Variants in NKAIN2 observed in about 807,000 individuals in gnomAD.
NKAIN2 encodes sodium/potassium-transporting ATPase subunit beta-1-interacting protein 2.
NKAIN2 carries 14 observed loss-of-function variants against 32.6 expected under a neutral mutation model. That is an observed-to-expected ratio of 0.43 (90% CI 0.28 to 0.67). NKAIN2 has a LOEUF of 0.67. NKAIN2 is among the 30% of genes least tolerant of loss of function. The probability of loss-of-function intolerance (pLI) is 0.17; values close to 1 mark genes in which losing one functional copy is unlikely to be tolerated. For synonymous variants in NKAIN2, 80 were observed against 87.2 expected, an observed-to-expected ratio of 0.92 and a Z score of 0.46; for missense variants, 198 against 258.3, an observed-to-expected ratio of 0.77 and a Z score of 1.60.
chr6:124,702,504 T>C (rs1774845541), intron 4 of NKAIN2, among the ~76,000 whole-genome samples: 1 of 152,036 alleles, frequency 6.6e-6, no homozygotes. Flanking sequence ...TTAATGGGGC[T>C]TTTTTAGATA....
At chr6:123,817,456 A>G (rs1773740750) in intron 1 of NKAIN2, among the ~76,000 whole-genome samples, 1 of 152,114 alleles carries the variant, frequency 6.6e-6, no homozygotes, top group African/African-American at 2.4e-5. Flanking sequence ...AAATAACAGG[A>G]CACTTTCTTC....
chr6:124,405,765 GT>G (rs1773830176), intron 3 of NKAIN2, among the ~76,000 whole-genome samples: 2 of 151,926 alleles, frequency 1.3e-5, no homozygotes, highest in Non-Finnish European at 2.9e-5. Flanking sequence ...CCAAAATATT[GT>G]TTTAAATACA....
intron 3 of NKAIN2, among the ~76,000 whole-genome samples, chr6:124,620,005 T>C (rs1783048515): frequency 6.6e-6 from 1 of 152,164 alleles, no homozygotes; most frequent in South Asian, 2.1e-4. Flanking sequence ...GGTACTCAAA[T>C]ACAACATGTT....
intron 1 of NKAIN2, among the ~76,000 whole-genome samples, chr6:123,899,997 G>T (rs1275818703): frequency 6.6e-6 from 1 of 152,100 alleles, no homozygotes; most frequent in Non-Finnish European, 1.5e-5. Flanking sequence ...GCTTAGCGAG[G>T]CTGGGCTTAC....
At chr6:124,144,692 A>G (rs1312249644) in intron 1 of NKAIN2, among the ~76,000 whole-genome samples, 1 of 152,164 alleles carries the variant, frequency 6.6e-6, no homozygotes, top group Non-Finnish European at 1.5e-5. Context: ...AACATAAAGT[A>G]TAGAAGAAAA....
intron 3 of NKAIN2, among the ~76,000 whole-genome samples, chr6:124,483,117 CA>C (rs1399013427): frequency 6.2e-4 from 88 of 140,960 alleles, no homozygotes; most frequent in Non-Finnish European, 5.4e-4. Context: ...GACTGTGTTT[CA>C]AAAAAAAAAA....
chr6:124,357,875 A>T (rs1030193010), intron 3 of NKAIN2, among the ~76,000 whole-genome samples: 2 of 152,126 alleles, frequency 1.3e-5, no homozygotes, highest in Non-Finnish European at 2.9e-5. Flanking sequence ...TGCTGCACCC[A>T]TTAACTCGTC....
At chr6:124,396,649 A>G (rs1773396221) in intron 3 of NKAIN2, among the ~76,000 whole-genome samples, 1 of 152,174 alleles carries the variant, frequency 6.6e-6, no homozygotes, top group Non-Finnish European at 1.5e-5. Flanking sequence ...AGTATGTTTC[A>G]GCAATTCAGG....
chr6:124,766,356 T>C (rs1312007232), intron 4 of NKAIN2, among the ~76,000 whole-genome samples: 1 of 152,138 alleles, frequency 6.6e-6, no homozygotes, highest in Admixed American at 6.5e-5. Context: ...TAAGAGTGGG[T>C]ACAAGGGTAA....
chr6:124,005,137 A>G (rs773071999), intron 1 of NKAIN2, among the ~76,000 whole-genome samples: 6 of 152,158 alleles, frequency 3.9e-5, no homozygotes, highest in African/African-American at 7.2e-5. Context: ...AGGTGGGAGA[A>G]TCACTTGAAT....
chr6:123,804,110 C>A lies in NKAIN2; in HGVS notation c.-91C>A. ...AGCCCCCGAGCCCTCGGCAGGTTTG[C>A]GTGTCCTTCCCCGCGATCTGATTGG... On this transcript the variant is annotated 5_prime_UTR_variant, in exon 1 of 7. An upstream open reading frame in the 5' UTR gains an earlier in-frame stop. Coordinates refer to ENST00000368417, the MANE Select transcript of NKAIN2 (RefSeq NM_001040214.3). 2 of 1,220,092 alleles carry A rather than the reference C, an allele frequency of 1.6e-6. No individual in the cohort carries two copies. The highest frequency in any genetic ancestry group is 4.7e-5 in the East Asian group (2 of 42,978). The allele number at this position is 1,220,092 out of a possible 1,614,324, so 75.6% of individuals were successfully genotyped here.
rs141817160 is a variant in NKAIN2 at position 123,856,936 on chromosome 6, A to T, written c.54+52682A>T. On this transcript the variant is annotated intron_variant, in intron 1 of 6. Coordinates refer to ENST00000368417, the MANE Select transcript of NKAIN2 (RefSeq NM_001040214.3). ...ACCAAAAGCATACAAACAAACAACA[A>T]CATAAGACACAGTGGGGTTGCTAAT... Among the ~76,000 whole-genome samples the T allele has an allele frequency of 2.5e-3, 381 of 152,372 alleles. 2 individuals carry two copies. The highest frequency in any genetic ancestry group is 8.5e-3 in the African/African-American group (353 of 41,584).
chr6:124,807,661 G>C (rs1289335721), intron 5 of NKAIN2, among the ~76,000 whole-genome samples: 3 of 149,576 alleles, frequency 2.0e-5, no homozygotes, highest in African/African-American at 7.4e-5. Flanking sequence ...GAAGGAAATA[G>C]AGACACAAAA....
At chr6:124,322,903 G>A (rs866003741) in intron 2 of NKAIN2, among the ~76,000 whole-genome samples, 21 of 152,240 alleles carry the variant, frequency 1.4e-4, no homozygotes, top group Middle Eastern at 3.4e-3. Context: ...GAATGAGAGA[G>A]CCAGTTTCTC....
chr6:124,622,764 G>A (rs191976925), intron 3 of NKAIN2, among the ~76,000 whole-genome samples: 39 of 152,224 alleles, frequency 2.6e-4, no homozygotes, highest in African/African-American at 8.4e-4. Context: ...ACTCCTCTCC[G>A]ACAACCCCCA....
At chr6:123,944,220 C>T (rs1414480059) in intron 1 of NKAIN2, among the ~76,000 whole-genome samples, 1 of 152,088 alleles carries the variant, frequency 6.6e-6, no homozygotes, top group Non-Finnish European at 1.5e-5. Flanking sequence ...GCCTTGTCAT[C>T]AGCCTTCATT....
chr6:124,158,945 C>A (rs898392561), intron 1 of NKAIN2, among the ~76,000 whole-genome samples: 1 of 152,262 alleles, frequency 6.6e-6, no homozygotes, highest in Admixed American at 6.5e-5. Context: ...TAATGTTAGA[C>A]ATCAGCTTGC....
chr6:124,331,638 T>A lies in NKAIN2; in HGVS notation c.193-23629T>A, dbSNP rs368467557. On this transcript the variant is annotated intron_variant, in intron 2 of 6. Transcript: ENST00000368417. ...AAGTTGTTTGGCTGAATTTTCATCA[T>A]TCCTCACATTTGCTTACCTTGTAAC... is the stretch of plus-strand genomic sequence containing the variant. Among the ~76,000 whole-genome samples, 38 of 152,274 alleles carry A rather than the reference T, an allele frequency of 2.5e-4. No homozygotes were observed. The South Asian group carries it at 7.5e-3, about 30-fold the overall frequency.
In NKAIN2 at chr6:124,677,406, GT is replaced by G. The variant is rs543497615; in HGVS notation, c.474+19027del. Among the ~76,000 whole-genome samples the G allele has an allele frequency of 5.9e-5, 9 of 151,936 alleles. No individual in the cohort carries two copies. The East Asian group carries it at 1.2e-3, about 20-fold the overall frequency. On this transcript the variant is annotated intron_variant, in intron 4 of 6. Coordinates refer to ENST00000368417, the MANE Select transcript of NKAIN2 (RefSeq NM_001040214.3). ...TAATTGTTTTCTCTTGGTCTTGTAG[GT>G]TTTTTTCATCTTCTTTCACTCTTAC...
Sources: allele counts gnomAD v4.1 joint callset (sites outside exome capture counted in the v4.1 genomes callset), GRCh38; gene constraint gnomAD v4.1.1; transcripts MANE v1.5; gene names NCBI Gene and HGNC (gene_info 2026-07-23, HGNC 2026-07-21).